The following AP2A1 variants were observed in gnomAD, a reference collection of about 807,000 sequenced individuals.
The protein encoded by AP2A1 is AP-2 complex subunit alpha-1.
AP2A1 carries 21 observed loss-of-function variants against 107.3 expected under a neutral mutation model. That is an observed-to-expected ratio of 0.20 (90% CI 0.14 to 0.28). The LOEUF is 0.28. Ranked by LOEUF, AP2A1 falls within the 10% of genes least tolerant of loss-of-function variation. AP2A1 has a pLI of 1.00. For synonymous variants in AP2A1, 602 were observed against 564.8 expected (o/e 1.07, Z -0.93); for missense variants, 873 against 1,307.7 (o/e 0.67, Z 5.13).
At chr19:49,804,924 G>A (rs1299236001) in intron 18 of AP2A1, 3 of 152,522 alleles carry the variant, frequency 2.0e-5, no homozygotes, top group Admixed American at 1.3e-4. Context: ...ACATGTCCTT[G>A]TGTTGAGACA....
chr19:49,782,563 G>A lies in AP2A1; in HGVS notation c.312G>A (p.Ser104=), dbSNP rs201100668. 28 of 1,613,854 alleles carry A rather than the reference G, an allele frequency of 1.7e-5. No individual in the cohort carries two copies. Among genetic ancestry groups the A allele is most frequent in the African/African-American group, 9.3e-5 (7 of 75,046 alleles). The change falls in exon 4 of 23, where the codon TCG becomes TCA. Residue 104 remains serine (S), a synonymous_variant. Coordinates refer to ENST00000354293, the MANE Select transcript of AP2A1 (RefSeq NM_130787.3). ...TGTTCATTTCTGTGCTGGTGAACTC[G>A]AACTCGGAGCTGATCCGCCTCATCA... ...GYLFISVLVN[S]NSELIRLINN...
intron 4 of AP2A1, 78 bp from the exon 5 acceptor site, chr19:49,791,857 G>A: frequency 6.6e-7 from 1 of 1,505,872 alleles, no homozygotes; most frequent in Non-Finnish European, 8.9e-7. Flanking sequence ...CTTCCTGGGA[G>A]GAACAGGAGA....
intron 18 of AP2A1, chr19:49,804,233 AAAAAG>A (rs199731629): frequency 0.03 from 4,520 of 151,750 alleles, 101 homozygotes; most frequent in South Asian, 0.088. Flanking sequence ...CAAAAAAAAG[AAAAAG>A]AAAAGAAAAA....
At position 49,781,789 on chromosome 19, in the gene AP2A1, A is replaced by C; in HGVS notation, c.100A>C (p.Asn34His). Reference sequence around the variant, plus strand: ...CAAAGAGGCGGAAATTAAGAGAATCAACAAGGAACTGGCCAACATCCGCTC... The same window carrying C: ...CAAAGAGGCGGAAATTAAGAGAATCCACAAGGAACTGGCCAACATCCGCTC... ...KSKEAEIKRINKELANIRSKF... is the reference protein window; with the variant it reads ...KSKEAEIKRIHKELANIRSKF... Residue 34 changes from asparagine to histidine, a missense_variant, in exon 2 of 23, where the codon AAC (asparagine) becomes CAC (histidine). By Grantham distance (68) the Asn-to-His change is moderately conservative. Coordinates refer to ENST00000354293, the MANE Select transcript of AP2A1 (RefSeq NM_130787.3). 2 of 1,606,708 alleles carry C rather than the reference A, an allele frequency of 1.2e-6. No homozygotes were observed. Among genetic ancestry groups the C allele is most frequent in the Non-Finnish European group, 1.7e-6 (2 of 1,176,426 alleles).
chr19:49,778,043 CTTTAAA>C (rs984360148), intron 1 of AP2A1, among the ~76,000 whole-genome samples: 3 of 151,928 alleles, frequency 2.0e-5, no homozygotes, highest in Non-Finnish European at 4.4e-5. Context: ...ATATATATTT[CTTTAAA>C]TTTAAAGAAT....
At chr19:49,801,648 C>A (rs752766868) in intron 13 of AP2A1, 27 bp downstream of exon 13, 1 of 1,542,952 alleles carries the variant, frequency 6.5e-7, no homozygotes, top group Non-Finnish European at 8.8e-7. Flanking sequence ...CCCACCCCAC[C>A]CCTCTTGCAC....
At chr19:49,799,890 A>G in intron 10 of AP2A1, 78 bp from the exon 11 acceptor site, 1 of 1,577,062 alleles carries the variant, frequency 6.3e-7, no homozygotes, top group Non-Finnish European at 8.6e-7. Flanking sequence ...AGATGGGGGC[A>G]GTGGTGAGCC....
chr19:49,802,040 A>AC lies in AP2A1; in HGVS notation c.2018dup (p.Ala674GlyfsTer36), dbSNP rs1444820037. 6.4e-7 allele frequency: 1 copy of AC among 1,570,988 alleles called. No individual in the cohort carries two copies. The highest frequency in any genetic ancestry group is 8.6e-7 in the Non-Finnish European group (1 of 1,163,534). ...TGCGGGCAGCCCCTCCCCCGGCAGC[A>AC]CCCCCGGCTTCTGCAGGAGCAGGGA... is the stretch of plus-strand genomic sequence containing the variant. On this transcript the variant is annotated frameshift_variant, in exon 15 of 23. Coordinates refer to ENST00000354293, the MANE Select transcript of AP2A1 (RefSeq NM_130787.3). LOFTEE classifies it high-confidence loss of function.
At chr19:49,778,754 G>A (rs532849216) in intron 1 of AP2A1, among the ~76,000 whole-genome samples, 23 of 152,060 alleles carry the variant, frequency 1.5e-4, no homozygotes, top group Admixed American at 9.2e-4. Flanking sequence ...GTTGATATGC[G>A]GGGCAGGACT....
intron 18 of AP2A1, 132 bp downstream of exon 18, chr19:49,803,508 G>A: frequency 1.4e-6 from 1 of 732,604 alleles, no homozygotes; most frequent in Non-Finnish European, 2.4e-6. Flanking sequence ...CTGAGATTGA[G>A]TGTCTGCATC....
At chr19:49,806,594 A>ATCCT (rs945976373) in intron 22 of AP2A1, 87 bp from the exon 23 acceptor site, 108 of 1,545,194 alleles carry the variant, frequency 7.0e-5, no homozygotes, top group Admixed American at 3.0e-4. Context: ...TGGCCCCTTT[A>ATCCT]TCCTTCCTTC....
At position 49,799,346 on chromosome 19, in the gene AP2A1, C is replaced by T. The variant is rs745709194; in HGVS notation, c.985C>T (p.Arg329Trp). 4.3e-6 allele frequency: 7 copies of T among 1,610,890 alleles called. No homozygotes were observed. The highest frequency in any genetic ancestry group is 1.1e-5 in the South Asian group (1 of 90,854). Residue 329 changes from arginine (R) to tryptophan (W), a missense_variant, in exon 9 of 23, where the codon CGG (arginine) becomes TGG (tryptophan). By Grantham distance (101) the Arg-to-Trp change is moderately radical (BLOSUM62 -3). Transcript: ENST00000354293. ...HYDSEPNLLV[R>W]ACNQLGQFLQ... is the part of the protein sequence containing the mutation. Reference sequence around the variant, plus strand: ...TGGCAGTGAGCCCAACCTCCTGGTTCGGGCCTGCAACCAGCTGGGCCAGTT... The same window carrying T: ...TGGCAGTGAGCCCAACCTCCTGGTTTGGGCCTGCAACCAGCTGGGCCAGTT...
Position 49,806,143 on chromosome 19 carries a change from C to G in AP2A1, c.2680C>G (p.Leu894Val). ...AKLLGFGSALLDNVDPNPENF... is the reference protein window; with the variant it reads ...AKLLGFGSALVDNVDPNPENF... ...GCTTCTGGGGTTTGGCTCTGCTCTC[C>G]TGGACAATGTGGACCCCAACCCTGA... The change falls in exon 22 of 23, where the codon CTG becomes GTG. Residue 894 changes from leucine (L) to valine (V), a missense_variant. Transcript: ENST00000354293. 1 of 1,571,448 alleles carries G rather than the reference C, an allele frequency of 6.4e-7. No individual in the cohort carries two copies. The highest frequency in any genetic ancestry group is 2.4e-5 in the East Asian group (1 of 42,184).
Position 49,801,968 on chromosome 19 carries a change from G to T in AP2A1, c.1954-13G>T. 6.7e-7 allele frequency: 1 copy of T among 1,483,786 alleles called. No individual in the cohort carries two copies. The highest frequency in any genetic ancestry group is 1.4e-5 in the South Asian group (1 of 73,744). The allele number at this position is 1,483,786 out of a possible 1,614,324, so 91.9% of individuals were successfully genotyped here. Reference sequence around the variant, plus strand: ...GCGCCGCCTGTCCTCACCGTGACCTGCGCTTCCTACAGTCGACGCCCTCGC... The same window carrying T: ...GCGCCGCCTGTCCTCACCGTGACCTTCGCTTCCTACAGTCGACGCCCTCGC... On this transcript the variant is annotated splice_polypyrimidine_tract_variant and intron_variant, in intron 14 of 22. Coordinates refer to ENST00000354293, the MANE Select transcript of AP2A1 (RefSeq NM_130787.3).
chr19:49,803,012 C>T lies in AP2A1; in HGVS notation c.2171+7C>T, dbSNP rs751635230. 9 of 1,613,752 alleles carry T rather than the reference C, an allele frequency of 5.6e-6. No homozygotes were observed. Among genetic ancestry groups the T allele is most frequent in the Non-Finnish European group, 7.6e-6 (9 of 1,179,810 alleles). Reference sequence around the variant, plus strand: ...CCGATGAGTTGCTGAATAAGTGAGTCCTGGGAGTGGTGGGGGAGGGGAACG... The same window carrying T: ...CCGATGAGTTGCTGAATAAGTGAGTTCTGGGAGTGGTGGGGGAGGGGAACG... On this transcript the variant is annotated splice_region_variant and intron_variant, in intron 16 of 22. Transcript: ENST00000354293.
chr19:49,781,054 G>A (rs1012315265), intron 1 of AP2A1, among the ~76,000 whole-genome samples: 1 of 152,110 alleles, frequency 6.6e-6, no homozygotes, highest in African/African-American at 2.4e-5. Flanking sequence ...TGCTCTGAAG[G>A]GGGTGCTGTA....
intron 1 of AP2A1, among the ~76,000 whole-genome samples, chr19:49,776,243 C>T (rs1186885917): frequency 2.6e-5 from 4 of 152,024 alleles, no homozygotes; most frequent in African/African-American, 4.8e-5. Context: ...CTTTCATCAC[C>T]GTCCGCCTGC....
Position 49,793,021 on chromosome 19 carries a change from A to G in AP2A1, c.634A>G (p.Thr212Ala). 1 of 1,609,272 alleles carries G rather than the reference A, an allele frequency of 6.2e-7. No homozygotes were observed. The highest frequency in any genetic ancestry group is 8.5e-7 in the Non-Finnish European group (1 of 1,177,988). Reference sequence around the variant, plus strand: ...GGTCACGGCCGCCGTCAGCCTCATCACCTGTCTCTGCAAGAAGAACCCAGA... The same window carrying G: ...GGTCACGGCCGCCGTCAGCCTCATCGCCTGTCTCTGCAAGAAGAACCCAGA... The part of the protein sequence containing the change: ...GVVTAAVSLI[T>A]CLCKKNPDDF... Residue 212 changes from threonine to alanine, a missense_variant, in exon 6 of 23, where the codon ACC (threonine) becomes GCC (alanine). Around this residue, in one of 4 missense-constraint regions of AP2A1, gnomAD observed 157 missense variants for 212.6 expected, o/e 0.74. Transcript: ENST00000354293.
At chr19:49,801,943 GCGC>G (rs1278305873) in intron 14 of AP2A1, 35 bp from the exon 15 acceptor site, 1 of 1,458,880 alleles carries the variant, frequency 6.9e-7, no homozygotes, top group East Asian at 2.5e-5. Context: ...GTCCTGCCGG[GCGC>G]CGCCTGTCCT....
Sources: gnomAD v4.1 joint callset for allele counts (sites outside exome capture counted in the v4.1 genomes callset) on GRCh38, gnomAD v4.1.1 for gene constraint, gnomAD v4.1.1 regional missense constraint, MANE v1.5 for transcripts, NCBI Gene and HGNC (gene_info 2026-07-23, HGNC 2026-07-21) for gene names.